MACF1: variants seen among roughly 807,000 people sequenced by gnomAD.
MACF1 encodes microtubule-actin cross-linking factor 1.
In MACF1, 193 loss-of-function variants were observed where a neutral mutation model predicts 854.8. The ratio of observed to expected loss-of-function variants is 0.23; its 90% CI spans 0.20 to 0.25. The LOEUF is 0.25. MACF1 is among the 10% of genes least tolerant of loss of function. MACF1 has a pLI of 1.00. For synonymous variants in MACF1, 3,185 were observed against 3,226.7 expected, an observed-to-expected ratio of 0.99 and a Z score of 0.44; for missense variants, 7,722 against 8,929.1, an observed-to-expected ratio of 0.86 and a Z score of 5.45.
chr1:39,408,995 T>G (rs537309163), intron 58 of MACF1, among the ~76,000 whole-genome samples: 7 of 147,410 alleles, frequency 4.7e-5, no homozygotes, highest in African/African-American at 1.7e-4. Flanking sequence ...GCGCGCTCCC[T>G]GGCTTCCAGG....
intron 44 of MACF1, among the ~76,000 whole-genome samples, chr1:39,356,924 A>G (rs1191438159): frequency 6.6e-6 from 1 of 152,226 alleles, no homozygotes; most frequent in African/African-American, 2.4e-5. Flanking sequence ...GAGATAATAC[A>G]TGTAAAATCT....
At chr1:39,418,029 T>C (rs564667882) in intron 58 of MACF1, among the ~76,000 whole-genome samples, 1 of 152,104 alleles carries the variant, frequency 6.6e-6, no homozygotes, top group African/African-American at 2.4e-5. Flanking sequence ...AATAAATACA[T>C]AGTTAGAAAT....
intron 27 of MACF1, 107 bp from the exon 28 acceptor site, chr1:39,316,284 T>G: frequency 1.2e-6 from 1 of 857,338 alleles, no homozygotes; most frequent in Non-Finnish European, 1.7e-6. Flanking sequence ...ATGGTGACAT[T>G]GATTTTGGTT....
Position 39,251,503 on chromosome 1 carries a change from TTAAG to T in MACF1, c.262-341_262-338del, listed in dbSNP as rs200618978. The stretch of plus-strand genomic sequence containing the variant: ...TTCTTTTCCTAACCTTTGAAAACCT[TTAAG>T]TGTTTGTGGAGATACTGATAGGATA... On this transcript the variant is annotated intron_variant, in intron 3 of 100. Transcript: ENST00000564288. Among the ~76,000 whole-genome samples, 5 of 152,206 alleles carry T rather than the reference TTAAG, an allele frequency of 3.3e-5. No homozygotes were observed. In the East Asian group the frequency reaches 9.6e-4, roughly 29 times the overall value.
At chr1:39,093,305 CTTTTTT>C (rs34921076) in intron 2 of MACF1, among the ~76,000 whole-genome samples, 2 of 54,124 alleles carry the variant, frequency 3.7e-5, no homozygotes, top group Non-Finnish European at 6.5e-5. Context: ...TACTCCACTT[CTTTTTT>C]TTTTTTTTTT....
intron 2 of MACF1, among the ~76,000 whole-genome samples, chr1:39,192,748 C>T (rs1023825828): frequency 1.3e-5 from 2 of 152,166 alleles, no homozygotes; most frequent in Admixed American, 6.5e-5. Flanking sequence ...AGCTGGATTC[C>T]TTGTCTATTG....
At chr1:39,087,063 C>A (rs954319306) in intron 2 of MACF1, among the ~76,000 whole-genome samples, 10 of 152,192 alleles carry the variant, frequency 6.6e-5, no homozygotes, top group African/African-American at 2.4e-4. Context: ...TGTGGGGGCT[C>A]CACCAGAGTA....
chr1:39,328,906 G>T (rs79260697), intron 36 of MACF1, among the ~76,000 whole-genome samples: 3,157 of 152,156 alleles, frequency 0.021, 42 homozygotes, highest in Non-Finnish European at 0.033. Flanking sequence ...CTACACTGCA[G>T]GCCTTTCTTC....
chr1:39,289,693 C>CTTTTTTTTTTTTTTTT lies in MACF1; in HGVS notation c.1785+2148_1785+2163dup, dbSNP rs58188740. Among the ~76,000 whole-genome samples the CTTTTTTTTTTTTTTTT allele has an allele frequency of 2.2e-3, 65 of 28,968 alleles. 27 individuals are homozygous for CTTTTTTTTTTTTTTTT. The highest frequency in any genetic ancestry group is 2.6e-3 in the Non-Finnish European group (44 of 16,776). 19.0% of individuals were successfully genotyped at this position (28,968 alleles called of 152,430 possible). A position where few individuals can be genotyped will look rare whatever the true frequency, so the allele number is the denominator to read the frequency against. On this transcript the variant is annotated intron_variant, in intron 15 of 100. Coordinates refer to ENST00000564288, the MANE Select transcript of MACF1 (RefSeq NM_001394062.1). ...ATTTTCTCCCATTCTGTGGGTTGTC[C>CTTTTTTTTTTTTTTTT]TTTTTTTTTTTTTTTTTTTTTTTTT...
At chr1:39,106,258 G>A (rs1248979572) in intron 2 of MACF1, among the ~76,000 whole-genome samples, 3 of 152,134 alleles carry the variant, frequency 2.0e-5, no homozygotes, top group South Asian at 2.1e-4. Context: ...AGTTTTTGGT[G>A]GCGAGACCTT....
chr1:39,484,392 A>T (rs1015707981), intron 99 of MACF1, among the ~76,000 whole-genome samples: 5 of 152,220 alleles, frequency 3.3e-5, no homozygotes, highest in Non-Finnish European at 7.4e-5. Flanking sequence ...AGACATTTTG[A>T]AATTTTTATT....
chr1:39,243,803 A>T (rs1358963346), intron 2 of MACF1, among the ~76,000 whole-genome samples: 2 of 152,162 alleles, frequency 1.3e-5, no homozygotes, highest in African/African-American at 4.8e-5. Context: ...GGATTTTAGG[A>T]TGGATAGATC....
chr1:39,361,339 C>G (rs763357859), intron 48 of MACF1, 21 bp from the exon 49 acceptor site: 1 of 1,605,474 alleles, frequency 6.2e-7, no homozygotes, highest in Non-Finnish European at 8.5e-7. Context: ...CAGGAGCTGA[C>G]AGACGTGTTC....
Position 39,417,444 on chromosome 1 carries a change from T to A in MACF1, c.15817-4930T>A, listed in dbSNP as rs72928327. On this transcript the variant is annotated intron_variant, in intron 58 of 100. Coordinates refer to ENST00000564288, the MANE Select transcript of MACF1 (RefSeq NM_001394062.1). ...AATTGGAGAGCACCACAATTCCAGT[T>A]CAGTGTTTGAACGCTCTGCTGATCG... Among the ~76,000 whole-genome samples, 249 of 152,308 alleles carry A rather than the reference T, an allele frequency of 1.6e-3. 2 individuals are homozygous for A. The highest frequency in any genetic ancestry group is 5.0e-3 in the African/African-American group (207 of 41,570).
chr1:39,358,674 T>C (rs1204278537), intron 45 of MACF1, 23 bp from the exon 46 acceptor site: 3 of 1,611,580 alleles, frequency 1.9e-6, no homozygotes, highest in South Asian at 1.1e-5. Flanking sequence ...TTAAGTCTGC[T>C]TACCTTTCTT....
rs1280207866 is a variant in MACF1 at position 39,433,258 on chromosome 1, T to A, written c.17565+103T>A. On this transcript the variant is annotated intron_variant, in intron 68 of 100. Coordinates refer to ENST00000564288, the MANE Select transcript of MACF1 (RefSeq NM_001394062.1). ...GTTTAAGGCTTTTTCCCTCCTGGAC[T>A]TTTCTTATGATTGTTATTAAAGTCC... The A allele has an allele frequency of 9.7e-6, 6 of 619,062 alleles. No individual in the cohort carries two copies. In the African/African-American group the frequency reaches 1.1e-4, roughly 12 times the overall value. 38.3% of individuals were successfully genotyped at this position (619,062 alleles called of 1,614,324 possible).
intron 6 of MACF1, among the ~76,000 whole-genome samples, chr1:39,268,212 T>C (rs1392969366): frequency 2.0e-5 from 3 of 152,136 alleles, no homozygotes; most frequent in African/African-American, 7.2e-5. Context: ...ACTATTCTCC[T>C]CCTCCTTCCT....
chr1:39,205,791 TAA>T (rs34378777), intron 1 of MACF1, among the ~76,000 whole-genome samples: 3 of 151,730 alleles, frequency 2.0e-5, no homozygotes, highest in Non-Finnish European at 4.4e-5. Flanking sequence ...CTTTGATAAT[TAA>T]AAAAAAAATT....
chr1:39,212,082 C>G (rs1005756990), intron 1 of MACF1, among the ~76,000 whole-genome samples: 12 of 151,842 alleles, frequency 7.9e-5, no homozygotes, highest in Non-Finnish European at 1.5e-4. Flanking sequence ...GCTGTCAATT[C>G]TCAGATAACT....
Sources: gnomAD v4.1 joint callset for allele counts (sites outside exome capture counted in the v4.1 genomes callset) on GRCh38, gnomAD v4.1.1 for gene constraint, MANE v1.5 for transcripts, NCBI Gene and HGNC (gene_info 2026-07-23, HGNC 2026-07-21) for gene names.